Variants in SP4 observed in about 807,000 individuals in gnomAD.
The protein encoded by SP4 is transcription factor Sp4.
Under a neutral mutation model 72.8 loss-of-function variants are expected in SP4, and 19 were observed. That is an observed-to-expected ratio of 0.26 (90% confidence interval 0.18 to 0.38). The LOEUF is 0.38. SP4 is among the 10% of genes least tolerant of loss of function. The pLI, the probability that SP4 is intolerant of heterozygous loss-of-function variation, is 1.00. For synonymous variants in SP4, 395 were observed against 333.1 expected (o/e 1.19, Z -2.02); for missense variants, 1,008 against 926.3 (o/e 1.09, Z -1.14).
At chr7:21,475,166 G>A (rs1201124683) in intron 3 of SP4, among the ~76,000 whole-genome samples, 2 of 151,134 alleles carry the variant, frequency 1.3e-5, no homozygotes, top group Non-Finnish European at 2.9e-5. Context: ...CCAGGCTGGA[G>A]TGCAGTGGCA....
chr7:21,428,589 A>AG, intron 1 of SP4, 88 bp from the exon 2 acceptor site: 9 of 1,166,338 alleles, frequency 7.7e-6, no homozygotes, highest in Non-Finnish European at 9.6e-6. Flanking sequence ...GTTCGGGGGG[A>AG]GGGGGGAGAA....
chr7:21,507,663 T>C (rs1782034037), intron 5 of SP4, among the ~76,000 whole-genome samples: 2 of 152,198 alleles, frequency 1.3e-5, no homozygotes, highest in South Asian at 4.1e-4. Context: ...AATTTTTATC[T>C]GAGCCAAACT....
At chr7:21,478,608 A>G (rs562938064) in intron 4 of SP4, among the ~76,000 whole-genome samples, 1 of 152,334 alleles carries the variant, frequency 6.6e-6, no homozygotes, top group African/African-American at 2.4e-5. Context: ...TACTGATACT[A>G]ATGATATTGA....
At chr7:21,454,855 C>G (rs890785481) in intron 3 of SP4, among the ~76,000 whole-genome samples, 3 of 152,134 alleles carry the variant, frequency 2.0e-5, no homozygotes, top group Non-Finnish European at 4.4e-5. Context: ...AGTTTTTGCC[C>G]CAAAAGGGTG....
At position 21,507,028 on chromosome 7, in the gene SP4, C is replaced by G. The variant is rs191756598; in HGVS notation, c.2108-3994C>G. On this transcript the variant is annotated intron_variant, in intron 5 of 5. Coordinates refer to ENST00000222584, the MANE Select transcript of SP4 (RefSeq NM_003112.5). ...CTTGCCTGGGAGGGTGTTGCCTCTCCCAGATGGTCATGTCCACTCTCCTGA... is the reference window on the plus strand; with the variant it reads ...CTTGCCTGGGAGGGTGTTGCCTCTCGCAGATGGTCATGTCCACTCTCCTGA... Among the ~76,000 whole-genome samples the G allele has an allele frequency of 2.6e-5, 4 of 152,074 alleles. No individual in the cohort carries two copies. The East Asian group carries it at 7.7e-4, about 29-fold the overall frequency.
chr7:21,483,902 C>G (rs1373437279), intron 5 of SP4, among the ~76,000 whole-genome samples: 1 of 151,374 alleles, frequency 6.6e-6, no homozygotes, highest in East Asian at 1.9e-4. Context: ...TTGAATTATA[C>G]TTTATACTTT....
At chr7:21,451,748 C>T (rs879718532) in intron 3 of SP4, among the ~76,000 whole-genome samples, 2 of 152,006 alleles carry the variant, frequency 1.3e-5, no homozygotes, top group African/African-American at 2.4e-5. Context: ...AGCTGGATGG[C>T]CTGAAGGTGA....
intron 4 of SP4, 36 bp from the exon 5 acceptor site, chr7:21,481,888 G>A (rs764570048): frequency 2.9e-6 from 4 of 1,379,862 alleles, no homozygotes; most frequent in Admixed American, 1.7e-5. Context: ...CTACTATTTG[G>A]CAGTGTAATT....
At chr7:21,453,653 A>G (rs1226375059) in intron 3 of SP4, among the ~76,000 whole-genome samples, 1 of 152,222 alleles carries the variant, frequency 6.6e-6, no homozygotes, top group African/African-American at 2.4e-5. Context: ...CTTATAGACA[A>G]ATCTATTCAA....
chr7:21,490,998 G>A (rs1583439250), intron 5 of SP4, among the ~76,000 whole-genome samples: 1 of 152,132 alleles, frequency 6.6e-6, no homozygotes, highest in East Asian at 1.9e-4. Flanking sequence ...TGTCCAAAAT[G>A]TCCGGGATAC....
Position 21,430,181 on chromosome 7 carries a change from T to C in SP4, c.1016T>C (p.Val339Ala). 6.2e-7 allele frequency: 1 copy of C among 1,614,180 alleles called. No homozygotes were observed. The highest frequency in any genetic ancestry group is 8.5e-7 in the Non-Finnish European group (1 of 1,180,028). The change falls in exon 3 of 6, where the codon GTG becomes GCG. Residue 339 changes from valine (V) to alanine (A), a missense_variant. Coordinates refer to ENST00000222584, the MANE Select transcript of SP4 (RefSeq NM_003112.5). ...TCTTTGACAAGCAGTGACACATTAG[T>C]GAGCTCAGCAGATACTGGCCAGTAT... is the stretch of plus-strand genomic sequence containing the variant. ...STSLTSSDTL[V>A]SSADTGQYAS...
At chr7:21,496,710 C>T (rs750128581) in intron 5 of SP4, among the ~76,000 whole-genome samples, 6 of 151,896 alleles carry the variant, frequency 4.0e-5, no homozygotes, top group Non-Finnish European at 8.8e-5. Context: ...GAAGTTTTTA[C>T]CTATTTTTCA....
Position 21,477,364 on chromosome 7 carries a change from A to G in SP4, c.1907+57A>G, listed in dbSNP as rs1276374679. 2.7e-6 allele frequency: 3 copies of G among 1,102,524 alleles called. No homozygotes were observed. The African/African-American group carries it at 4.6e-5, about 17-fold the overall frequency. The allele number at this position is 1,102,524 out of a possible 1,614,324, so 68.3% of individuals were successfully genotyped here. ...TGGAAGGCATAAAACAGCAGTTAAA[A>G]CCAAGTAATTGGCTGGGAATGATGG... is the stretch of plus-strand genomic sequence containing the variant. On this transcript the variant is annotated intron_variant, in intron 4 of 5. Transcript: ENST00000222584.
intron 3 of SP4, among the ~76,000 whole-genome samples, chr7:21,473,777 A>G (rs976865120): frequency 6.6e-6 from 1 of 152,182 alleles, no homozygotes; most frequent in Non-Finnish European, 1.5e-5. Context: ...GAAGGAAATG[A>G]GCTTGATTTA....
intron 3 of SP4, among the ~76,000 whole-genome samples, chr7:21,476,238 C>T (rs1784496838): frequency 7.4e-6 from 1 of 134,452 alleles, no homozygotes; most frequent in Non-Finnish European, 1.5e-5. Flanking sequence ...CGTGCTACTG[C>T]ACTCCAGCCT....
At chr7:21,491,221 A>G (rs796345044) in intron 5 of SP4, among the ~76,000 whole-genome samples, 6 of 152,372 alleles carry the variant, frequency 3.9e-5, no homozygotes, top group Admixed American at 1.3e-4. Context: ...TATAAAAACT[A>G]TAAAAAAGAA....
chr7:21,430,614 G>T lies in SP4; in HGVS notation c.1449G>T (p.Leu483Phe). The part of the protein sequence containing the change: ...QVQNIQSLSN[L>F]QVQNAGLSQQ... Reference sequence around the variant, plus strand: ...AGAATATTCAGAGTCTTTCAAATTTGCAAGTTCAGAATGCTGGGTTATCCC... The same window carrying T: ...AGAATATTCAGAGTCTTTCAAATTTTCAAGTTCAGAATGCTGGGTTATCCC... Residue 483 changes from leucine to phenylalanine, a missense_variant, in exon 3 of 6, where the codon TTG (leucine) becomes TTT (phenylalanine). Leu to Phe is a conservative substitution (Grantham distance 22). Around this residue, in one of 3 missense-constraint regions of SP4, gnomAD observed 893 missense variants for 743.3 expected, o/e 1.20. Transcript: ENST00000222584. The T allele has an allele frequency of 6.2e-7, 1 of 1,614,240 alleles. No homozygotes were observed. The highest frequency in any genetic ancestry group is 1.3e-5 in the African/African-American group (1 of 75,070).
chr7:21,495,028 A>G (rs1319600457), intron 5 of SP4, among the ~76,000 whole-genome samples: 1 of 152,210 alleles, frequency 6.6e-6, no homozygotes, highest in Non-Finnish European at 1.5e-5. Flanking sequence ...TAGAAGAATT[A>G]GCCATATGCA....
intron 3 of SP4, among the ~76,000 whole-genome samples, chr7:21,444,863 C>A (rs527942839): frequency 1.1e-4 from 16 of 152,096 alleles, no homozygotes; most frequent in Non-Finnish European, 1.8e-4. Flanking sequence ...CCCTTTACAG[C>A]TAACCACTAC....
Sources: gnomAD v4.1 joint callset for allele counts (sites outside exome capture counted in the v4.1 genomes callset) on GRCh38, gnomAD v4.1.1 for gene constraint, gnomAD v4.1.1 regional missense constraint, MANE v1.5 for transcripts, NCBI Gene and HGNC (gene_info 2026-07-23, HGNC 2026-07-21) for gene names.